Variants in CBL observed in about 807,000 individuals in gnomAD.
CBL encodes the protein E3 ubiquitin-protein ligase CBL.
In CBL, 45 loss-of-function variants were observed where a neutral mutation model predicts 96.9. That is an observed-to-expected ratio of 0.46 (90% CI 0.37 to 0.60). The LOEUF (loss-of-function observed/expected upper bound fraction) is 0.60, where lower values mean the gene tolerates loss of function less well. CBL is among the 20% of genes least tolerant of loss of function. The probability of loss-of-function intolerance (pLI) is 0.00; values close to 1 mark genes in which losing one functional copy is unlikely to be tolerated. For missense variants in CBL, 1,024 were observed against 1,143.5 expected (o/e 0.90, Z 1.51); for synonymous variants, 420 against 426.8 (o/e 0.98, Z 0.20).
chr11:119,254,607 CT>C (rs897083613), intron 2 of CBL, among the ~76,000 whole-genome samples: 125 of 145,352 alleles, frequency 8.6e-4, no homozygotes, highest in Non-Finnish European at 7.6e-4. Flanking sequence ...CTTTTTTTAT[CT>C]TTTTTTTTTT....
At chr11:119,259,897 C>G (rs557443956) in intron 2 of CBL, among the ~76,000 whole-genome samples, 3 of 152,210 alleles carry the variant, frequency 2.0e-5, no homozygotes, top group Admixed American at 6.5e-5. Context: ...TGTATCCTTC[C>G]GATTCTATCT....
chr11:119,222,684 T>C (rs1397837993), intron 1 of CBL, among the ~76,000 whole-genome samples: 1 of 150,792 alleles, frequency 6.6e-6, no homozygotes, highest in African/African-American at 2.5e-5. Flanking sequence ...TTTTGGTTCA[T>C]GTTTGTTTTT....
chr11:119,207,180 A>G (rs1458489572), intron 1 of CBL, among the ~76,000 whole-genome samples: 5 of 151,924 alleles, frequency 3.3e-5, no homozygotes, highest in African/African-American at 1.2e-4. Context: ...GATAAAAGAC[A>G]TATTGATGTT....
intron 2 of CBL, among the ~76,000 whole-genome samples, chr11:119,269,113 T>C (rs1337593743): frequency 6.6e-6 from 1 of 152,212 alleles, no homozygotes. Flanking sequence ...TATTTCATAT[T>C]CCATTTGTGA....
Position 119,304,292 on chromosome 11 carries a change from T to G in CBL, c.*4511T>G, listed in dbSNP as rs1950120453. The G allele has an allele frequency of 4.3e-6, 1 of 233,210 alleles. No homozygotes were observed. Among genetic ancestry groups the G allele is most frequent in the Non-Finnish European group, 8.5e-6 (1 of 118,074 alleles). 14.4% of individuals were successfully genotyped at this position (233,210 alleles called of 1,614,324 possible). A position where few individuals can be genotyped will look rare whatever the true frequency, so the allele number is the denominator to read the frequency against. ...TTTGTTGGAAATACATAGAACGGCT[T>G]AATGCCTAGAGGGTGGTGGATAGTG... is the stretch of plus-strand genomic sequence containing the variant. On this transcript the variant is annotated 3_prime_UTR_variant, in exon 16 of 16. Coordinates refer to ENST00000264033, the MANE Select transcript of CBL (RefSeq NM_005188.4).
intron 15 of CBL, 37 bp downstream of exon 15, chr11:119,298,577 G>A (rs1034483669): frequency 7.7e-6 from 12 of 1,568,058 alleles, no homozygotes; most frequent in African/African-American, 6.7e-5. Context: ...GTCCTGAATG[G>A]CAGTGTGGCC....
At chr11:119,228,245 C>A (rs1949474333) in intron 1 of CBL, among the ~76,000 whole-genome samples, 1 of 152,148 alleles carries the variant, frequency 6.6e-6, no homozygotes, top group African/African-American at 2.4e-5. Context: ...GTGACTGGGA[C>A]CACAGGTGCC....
At chr11:119,250,630 C>G (rs1949663681) in intron 2 of CBL, among the ~76,000 whole-genome samples, 1 of 152,166 alleles carries the variant, frequency 6.6e-6, no homozygotes, top group Admixed American at 6.5e-5. Context: ...CAGGGGGTCC[C>G]TGTCCGCTAT....
At chr11:119,214,614 T>C (rs1949343194) in intron 1 of CBL, among the ~76,000 whole-genome samples, 1 of 152,220 alleles carries the variant, frequency 6.6e-6, no homozygotes, top group African/African-American at 2.4e-5. Flanking sequence ...AAATATCTGT[T>C]GTCTACTTAA....
chr11:119,249,549 C>A lies in CBL; in HGVS notation c.443+16854C>A, dbSNP rs543748465. On this transcript the variant is annotated intron_variant, in intron 2 of 15. Coordinates refer to ENST00000264033, the MANE Select transcript of CBL (RefSeq NM_005188.4). ...CGTGGGTGACAGAGTGAGACTCGGT[C>A]TCAAAAAAAAAAAAAAAATGCTGTG... is the stretch of plus-strand genomic sequence containing the variant. Among the ~76,000 whole-genome samples, 14 of 78,166 alleles carry A rather than the reference C, an allele frequency of 1.8e-4. No individual in the cohort carries two copies. In the East Asian group the frequency reaches 7.6e-3, roughly 43 times the overall value. The allele number at this position is 78,166 out of a possible 152,430, so 51.3% of individuals were successfully genotyped here.
chr11:119,277,245 A>G (rs1416236404), intron 6 of CBL, among the ~76,000 whole-genome samples: 1 of 150,266 alleles, frequency 6.7e-6, no homozygotes, highest in African/African-American at 2.5e-5. Context: ...TGTCGCGCAC[A>G]CACACACACA....
chr11:119,237,794 C>T (rs763411306), intron 2 of CBL, among the ~76,000 whole-genome samples: 2 of 152,168 alleles, frequency 1.3e-5, no homozygotes, highest in Non-Finnish European at 1.5e-5. Flanking sequence ...TAGCTTTGTA[C>T]TAAAGCTTTG....
At chr11:119,218,157 A>C (rs1949378228) in intron 1 of CBL, among the ~76,000 whole-genome samples, 1 of 152,176 alleles carries the variant, frequency 6.6e-6, no homozygotes, top group South Asian at 2.1e-4. Context: ...CCACAGTCCC[A>C]CTTAACATAA....
At chr11:119,253,239 A>T (rs12287028) in intron 2 of CBL, among the ~76,000 whole-genome samples, 45,875 of 151,608 alleles carry the variant, frequency 0.3, 7,352 homozygotes, top group South Asian at 0.6. Flanking sequence ...TGAAAAAAAA[A>T]TTTTTTTAAG....
At position 119,305,553 on chromosome 11, in the gene CBL, C is replaced by G. The variant is rs1236416216; in HGVS notation, c.*5772C>G. ...GTGAGGGCCGCTCTGCAGTAATGTT[C>G]TCAGGCAAGCCTTCCTAGGCACCTC... On this transcript the variant is annotated 3_prime_UTR_variant, in exon 16 of 16. Coordinates refer to ENST00000264033, the MANE Select transcript of CBL (RefSeq NM_005188.4). The G allele has an allele frequency of 3.5e-5, 8 of 228,176 alleles. No individual in the cohort carries two copies. Among genetic ancestry groups the G allele is most frequent in the Admixed American group, 1.1e-4 (2 of 17,600 alleles). The allele number at this position is 228,176 out of a possible 1,614,324, so 14.1% of individuals were successfully genotyped here. A position where few individuals can be genotyped will look rare whatever the true frequency, so the allele number is the denominator to read the frequency against.
intron 2 of CBL, among the ~76,000 whole-genome samples, chr11:119,268,705 G>A (rs1592395568): frequency 6.6e-6 from 1 of 152,144 alleles, no homozygotes; most frequent in Admixed American, 6.6e-5. Context: ...GGGAAATACC[G>A]CTTAAGACGA....
At position 119,297,531 on chromosome 11, in the gene CBL, G is replaced by C. The variant is rs2509660; in HGVS notation, c.2251+50G>C. 6.3e-3 allele frequency: 8,432 copies of C among 1,345,478 alleles called. 453 individuals are homozygous for C. The African/African-American group carries it at 0.11, about 17-fold the overall frequency. The allele number at this position is 1,345,478 out of a possible 1,614,324, so 83.3% of individuals were successfully genotyped here. A position where few individuals can be genotyped will look rare whatever the true frequency, so the allele number is the denominator to read the frequency against. On this transcript the variant is annotated intron_variant, in intron 14 of 15. Transcript: ENST00000264033. ...AAAATCATTGATATGTCATAGGAAT[G>C]AACATGTAATATTTGGCAATTGAGA...
At chr11:119,253,042 T>C (rs1359444542) in intron 2 of CBL, among the ~76,000 whole-genome samples, 1 of 152,178 alleles carries the variant, frequency 6.6e-6, no homozygotes, top group Non-Finnish European at 1.5e-5. Flanking sequence ...AGATACAAAG[T>C]GTTTAGCAGT....
rs1457941714 is a variant in CBL, at chr11:119,234,000, C to CTTTTG, written c.443+1324_443+1328dup. ...ATGTCCATCTTTTCTTTCTTTCTTT[C>CTTTTG]TTTTGTTTTGTTTTGTTTTGTTTGA... is the stretch of plus-strand genomic sequence containing the variant. On this transcript the variant is annotated intron_variant, in intron 2 of 15. Coordinates refer to ENST00000264033, the MANE Select transcript of CBL (RefSeq NM_005188.4). Among the ~76,000 whole-genome samples, 15 of 151,932 alleles carry CTTTTG rather than the reference C, an allele frequency of 9.9e-5. No individual in the cohort carries two copies. The South Asian group carries it at 1.0e-3, about 11-fold the overall frequency.
Sources: allele counts gnomAD v4.1 joint callset (sites outside exome capture counted in the v4.1 genomes callset), GRCh38; gene constraint gnomAD v4.1.1; transcripts MANE v1.5; gene names NCBI Gene and HGNC (gene_info 2026-07-23, HGNC 2026-07-21).